The following NQO1 variants were observed in gnomAD, a reference collection of about 807,000 sequenced individuals.
The protein encoded by NQO1 is NAD(P)H quinone dehydrogenase 1, also known as NAD(P)H dehydrogenase [quinone] 1.
In NQO1, 30 loss-of-function variants were observed where a neutral mutation model predicts 32.1. The ratio of observed to expected loss-of-function variants is 0.94; its 90% CI spans 0.70 to 1.27. The LOEUF (loss-of-function observed/expected upper bound fraction) is 1.27, where lower values mean the gene tolerates loss of function less well. Ranked by LOEUF, NQO1 falls within the 50% of genes most tolerant of loss-of-function variation. The pLI, the probability that NQO1 is intolerant of heterozygous loss-of-function variation, is 0.00. For missense variants in NQO1, 276 were observed against 331.3 expected (o/e 0.83, Z 1.30); for synonymous variants, 109 against 119.7 (o/e 0.91, Z 0.59).
At chr16:69,712,972 G>T in intron 5 of NQO1, 56 bp downstream of exon 5, 1 of 1,415,358 alleles carries the variant, frequency 7.1e-7, no homozygotes, top group South Asian at 1.2e-5. Context: ...CAGCCTAGAT[G>T]ACAGAGTGAG....
At chr16:69,714,226 G>T (rs547804212) in intron 4 of NQO1, among the ~76,000 whole-genome samples, 184 of 151,384 alleles carry the variant, frequency 1.2e-3, no homozygotes, top group Non-Finnish European at 1.9e-3. Flanking sequence ...CTGGAGTGCA[G>T]TGGCGCGATC....
chr16:69,713,592 A>G (rs2038069592), intron 4 of NQO1, among the ~76,000 whole-genome samples: 1 of 152,220 alleles, frequency 6.6e-6, no homozygotes, highest in African/African-American at 2.4e-5. Flanking sequence ...CATGTAAATG[A>G]GAAAATAGTG....
rs2038096640 is a variant in NQO1 at position 69,715,120 on chromosome 16, C to T, written c.304-43G>A. 6.0e-6 allele frequency: 9 copies of T among 1,510,600 alleles called. No homozygotes were observed. The South Asian group carries it at 9.0e-5, about 15-fold the overall frequency. The allele number at this position is 1,510,600 out of a possible 1,614,324, so 93.6% of individuals were successfully genotyped here. A position where few individuals can be genotyped will look rare whatever the true frequency, so the allele number is the denominator to read the frequency against. Reference sequence around the variant, plus strand: ...TCATTGAGGTAAGACCAGGGGCTCCCCAAGCCCAGAAGGTGGCTCGGAGTG... The same window carrying T: ...TCATTGAGGTAAGACCAGGGGCTCCTCAAGCCCAGAAGGTGGCTCGGAGTG... On this transcript the variant is annotated intron_variant, in intron 3 of 5. Transcript: ENST00000320623.
rs2038008393 is a variant in NQO1 at position 69,709,473 on chromosome 16, G to A, written c.*1503C>T. ...GAAATTTACACAAAATTGCAGTGAA[G>A]ATGAAGGCAACAAAATATTTTCAAA... On this transcript the variant is annotated 3_prime_UTR_variant, in exon 6 of 6. Coordinates refer to ENST00000320623, the MANE Select transcript of NQO1 (RefSeq NM_000903.3). The A allele has an allele frequency of 3.4e-6, 1 of 295,138 alleles. No individual in the cohort carries two copies. Among genetic ancestry groups the A allele is most frequent in the African/African-American group, 2.2e-5 (1 of 46,466 alleles). 18.3% of individuals were successfully genotyped at this position (295,138 alleles called of 1,614,324 possible).
At chr16:69,726,372 C>G in intron 1 of NQO1, 61 bp downstream of exon 1, 1 of 1,604,772 alleles carries the variant, frequency 6.2e-7, no homozygotes, top group Non-Finnish European at 8.5e-7. Flanking sequence ...CTACAACCTC[C>G]TCCACAGGCA....
chr16:69,722,090 C>A lies in NQO1; in HGVS notation c.8-3556G>T, dbSNP rs537135392. ...CCCCACAGTTGCTCCTGATAATGTGCGCTGCTACTTCATACCCTACCATGA... is the reference window on the plus strand; with the variant it reads ...CCCCACAGTTGCTCCTGATAATGTGAGCTGCTACTTCATACCCTACCATGA... On this transcript the variant is annotated intron_variant, in intron 1 of 5. Transcript: ENST00000320623. Among the ~76,000 whole-genome samples, 10 of 150,232 alleles carry A rather than the reference C, an allele frequency of 6.7e-5. No individual in the cohort carries two copies. The South Asian group carries it at 1.7e-3, about 25-fold the overall frequency.
At chr16:69,717,944 A>G in intron 3 of NQO1, 179 bp downstream of exon 3, 1 of 945,916 alleles carries the variant, frequency 1.1e-6, no homozygotes, top group Non-Finnish European at 1.6e-6. Context: ...ACAGTAATAC[A>G]GCCAGATTCC....
At chr16:69,714,650 C>T (rs574573305) in intron 4 of NQO1, among the ~76,000 whole-genome samples, 10 of 150,734 alleles carry the variant, frequency 6.6e-5, no homozygotes, top group South Asian at 2.2e-4. Context: ...GAGGCTGAGG[C>T]GGGTAGATCA....
chr16:69,724,227 C>T (rs1303672350), intron 1 of NQO1, among the ~76,000 whole-genome samples: 1 of 152,060 alleles, frequency 6.6e-6, no homozygotes, highest in Non-Finnish European at 1.5e-5. Context: ...GCACAAGAAT[C>T]GTTTGAACCT....
chr16:69,716,478 C>T (rs960311626), intron 3 of NQO1, among the ~76,000 whole-genome samples: 2 of 150,682 alleles, frequency 1.3e-5, no homozygotes, highest in Non-Finnish European at 3.0e-5. Context: ...GGCAACAGAG[C>T]GAGACTCCAT....
chr16:69,716,759 G>C (rs771093263), intron 3 of NQO1, among the ~76,000 whole-genome samples: 3 of 152,176 alleles, frequency 2.0e-5, no homozygotes, highest in Non-Finnish European at 4.4e-5. Flanking sequence ...AGACCAGCCT[G>C]GGCAACATGG....
At position 69,724,832 on chromosome 16, in the gene NQO1, CA is replaced by C. The variant is rs1218543322; in HGVS notation, c.7+1600del. Among the ~76,000 whole-genome samples the C allele has an allele frequency of 2.0e-5, 3 of 152,122 alleles. No homozygotes were observed. In the East Asian group the frequency reaches 5.8e-4, roughly 29 times the overall value. ...ATCAGATGCATCTATTAGTTGCAAACAAAAAACCTGGATGCTTTAGTTAACC... is the reference window on the plus strand; with the variant it reads ...ATCAGATGCATCTATTAGTTGCAAACAAAAACCTGGATGCTTTAGTTAACC... On this transcript the variant is annotated intron_variant, in intron 1 of 5. Transcript: ENST00000320623.
chr16:69,713,244 T>C (rs976964404), intron 4 of NQO1, 115 bp from the exon 5 acceptor site: 4 of 787,954 alleles, frequency 5.1e-6, no homozygotes, highest in Non-Finnish European at 8.4e-6. Context: ...ATTTGCTGTT[T>C]ATATTACTTC....
intron 3 of NQO1, among the ~76,000 whole-genome samples, chr16:69,717,003 CT>C (rs202045652): frequency 0.018 from 2,691 of 149,604 alleles, 47 homozygotes; most frequent in Non-Finnish European, 0.027. Flanking sequence ...TGGCATGTGG[CT>C]TTGATTCTTA....
At chr16:69,716,180 A>C (rs2038109854) in intron 3 of NQO1, among the ~76,000 whole-genome samples, 1 of 136,550 alleles carries the variant, frequency 7.3e-6, no homozygotes, top group African/African-American at 3.0e-5. Flanking sequence ...TAATAATAAT[A>C]ATAATAATAA....
intron 3 of NQO1, 22 bp downstream of exon 3, chr16:69,718,101 C>G: frequency 6.2e-7 from 1 of 1,613,514 alleles, no homozygotes; most frequent in Non-Finnish European, 8.5e-7. Flanking sequence ...TCCCTGACAC[C>G]CCTTCCGATG....
chr16:69,716,271 G>A (rs1047917680), intron 3 of NQO1, among the ~76,000 whole-genome samples: 2 of 151,792 alleles, frequency 1.3e-5, no homozygotes, highest in Admixed American at 6.6e-5. Flanking sequence ...AAGGTGGGTG[G>A]ATCACTTGAG....
chr16:69,716,089 G>A (rs961759435), intron 3 of NQO1, among the ~76,000 whole-genome samples: 13 of 150,978 alleles, frequency 8.6e-5, no homozygotes, highest in Admixed American at 4.6e-4. Context: ...GATTGCTTGA[G>A]CCCAGGAGTT....
chr16:69,712,651 T>C (rs1450741897), intron 5 of NQO1, among the ~76,000 whole-genome samples: 1 of 152,232 alleles, frequency 6.6e-6, no homozygotes, highest in Non-Finnish European at 1.5e-5. Context: ...TCAGATGCTA[T>C]CTTGAGGTTT....
Sources: allele counts gnomAD v4.1 joint callset (sites outside exome capture counted in the v4.1 genomes callset), GRCh38; gene constraint gnomAD v4.1.1; transcripts MANE v1.5; gene names NCBI Gene and HGNC (gene_info 2026-07-23, HGNC 2026-07-21).